Variants in BRINP3 observed in about 807,000 individuals in gnomAD.
The protein encoded by BRINP3 is BMP/retinoic acid-inducible neural-specific protein 3.
In BRINP3, 19 loss-of-function variants were observed where a neutral mutation model predicts 71.0. The ratio of observed to expected loss-of-function variants is 0.27; its 90% CI spans 0.19 to 0.39. BRINP3 has a LOEUF of 0.39. BRINP3 is among the 10% of genes least tolerant of loss of function. BRINP3 has a pLI of 1.00. For missense variants in BRINP3, 959 were observed against 940.8 expected (o/e 1.02, Z -0.25); for synonymous variants, 380 against 337.7 (o/e 1.13, Z -1.37).
intron 6 of BRINP3, among the ~76,000 whole-genome samples, chr1:190,174,316 T>C (rs1652294011): frequency 1.3e-5 from 2 of 152,126 alleles, no homozygotes; most frequent in African/African-American, 4.8e-5. Flanking sequence ...TATTTTCCAC[T>C]ATGTAGTTAT....
intron 4 of BRINP3, among the ~76,000 whole-genome samples, chr1:190,255,404 A>G (rs570314555): frequency 6.6e-6 from 1 of 152,070 alleles, no homozygotes. Flanking sequence ...CTGGGAATCC[A>G]TCTGGTCCTC....
rs748446233 is a variant in BRINP3, at chr1:190,281,624, C to G, written c.363G>C (p.Gln121His). The G allele has an allele frequency of 6.2e-7, 1 of 1,612,848 alleles. No homozygotes were observed. The highest frequency in any genetic ancestry group is 8.5e-7 in the Non-Finnish European group (1 of 1,179,264). ...IRLLGRRPTL[Q>H]QITENLIKKY... Reference sequence around the variant, plus strand: ...TCTTGATAAGGTTTTCTGTGATTTGCTGAAGGGTAGGTCGACGTCCCAAAA... The same window carrying G: ...TCTTGATAAGGTTTTCTGTGATTTGGTGAAGGGTAGGTCGACGTCCCAAAA... The change falls in exon 3 of 8, where the codon CAG becomes CAC. Residue 121 changes from glutamine (Q) to histidine (H), a missense_variant. Coordinates refer to ENST00000367462, the MANE Select transcript of BRINP3 (RefSeq NM_199051.3).
At chr1:190,304,969 T>C (rs528654115) in intron 2 of BRINP3, among the ~76,000 whole-genome samples, 10 of 151,874 alleles carry the variant, frequency 6.6e-5, no homozygotes, top group African/African-American at 2.2e-4. Context: ...AAGAGACATT[T>C]CTCAAAAGAA....
At chr1:190,144,680 A>C (rs1325049499) in intron 7 of BRINP3, among the ~76,000 whole-genome samples, 2 of 152,112 alleles carry the variant, frequency 1.3e-5, no homozygotes, top group African/African-American at 4.8e-5. Context: ...AAGTCAGAAA[A>C]ATCTTACCGA....
intron 2 of BRINP3, among the ~76,000 whole-genome samples, chr1:190,426,226 G>T (rs1300715192): frequency 6.6e-6 from 1 of 151,700 alleles, no homozygotes; most frequent in Non-Finnish European, 1.5e-5. Flanking sequence ...TCACCTTTAT[G>T]TAGACTACAT....
intron 6 of BRINP3, among the ~76,000 whole-genome samples, chr1:190,180,083 T>C (rs1652896060): frequency 6.6e-6 from 1 of 152,154 alleles, no homozygotes; most frequent in African/African-American, 2.4e-5. Flanking sequence ...TTTTTTCTTC[T>C]GCAAATAACC....
chr1:190,228,872 G>C (rs1657664098), intron 5 of BRINP3, among the ~76,000 whole-genome samples: 1 of 151,894 alleles, frequency 6.6e-6, no homozygotes, highest in South Asian at 2.1e-4. Context: ...CCTAGTGCTG[G>C]AACAATGCTT....
At chr1:190,342,327 T>TG (rs565690897) in intron 2 of BRINP3, 2 of 143,140 alleles carry the variant, frequency 1.4e-5, no homozygotes, top group African/African-American at 5.2e-5. Context: ...TGTTGACATT[T>TG]GGGGGGCCAC....
intron 2 of BRINP3, among the ~76,000 whole-genome samples, chr1:190,316,669 T>C (rs540466208): frequency 4.1e-4 from 62 of 152,216 alleles, no homozygotes; most frequent in South Asian, 2.3e-3. Context: ...TGCAGAGACC[T>C]GTGGGACCTC....
chr1:190,413,424 T>C (rs1672817613), intron 2 of BRINP3, among the ~76,000 whole-genome samples: 1 of 152,204 alleles, frequency 6.6e-6, no homozygotes, highest in African/African-American at 2.4e-5. Context: ...AAAAGTGTCT[T>C]TGCAGATATA....
chr1:190,331,562 T>C (rs1188483557), intron 2 of BRINP3, among the ~76,000 whole-genome samples: 3 of 152,026 alleles, frequency 2.0e-5, no homozygotes, highest in African/African-American at 7.2e-5. Flanking sequence ...TAGTACGAGG[T>C]GGCCATGTGA....
chr1:190,475,020 C>T (rs985567903), intron 1 of BRINP3, among the ~76,000 whole-genome samples: 1 of 151,986 alleles, frequency 6.6e-6, no homozygotes, highest in African/African-American at 2.4e-5. Flanking sequence ...TCACTCTTTG[C>T]TTTTAACTTC....
At chr1:190,207,826 T>C (rs945178840) in intron 6 of BRINP3, among the ~76,000 whole-genome samples, 2 of 152,158 alleles carry the variant, frequency 1.3e-5, no homozygotes, top group Non-Finnish European at 2.9e-5. Context: ...TATTACAGCC[T>C]AGATTATGAT....
At chr1:190,439,328 T>A in intron 2 of BRINP3, among the ~76,000 whole-genome samples, 1 of 152,028 alleles carries the variant, frequency 6.6e-6, no homozygotes, top group Admixed American at 6.6e-5. Context: ...ATTAATATAA[T>A]GTTTTTTTAT....
chr1:190,442,117 T>C (rs1316358757), intron 2 of BRINP3, among the ~76,000 whole-genome samples: 2 of 152,186 alleles, frequency 1.3e-5, no homozygotes, highest in African/African-American at 4.8e-5. Context: ...ACTTTTTAAA[T>C]TGATAAACAT....
chr1:190,211,985 T>C (rs968339878), intron 6 of BRINP3, among the ~76,000 whole-genome samples: 1 of 152,094 alleles, frequency 6.6e-6, no homozygotes, highest in Non-Finnish European at 1.5e-5. Flanking sequence ...ATACCCTCCC[T>C]GGTACTGGAG....
intron 6 of BRINP3, among the ~76,000 whole-genome samples, chr1:190,183,550 G>A (rs1053362255): frequency 1.6e-4 from 24 of 152,096 alleles, no homozygotes; most frequent in African/African-American, 5.6e-4. Context: ...AGCTGGGAAG[G>A]ATGGGTGTTA....
intron 2 of BRINP3, among the ~76,000 whole-genome samples, chr1:190,402,532 A>G (rs1671997619): frequency 6.6e-6 from 1 of 152,142 alleles, no homozygotes; most frequent in South Asian, 2.1e-4. Flanking sequence ...CTTTGCCATT[A>G]AAACCACCGT....
chr1:190,268,826 T>C (rs1316035152), intron 3 of BRINP3, among the ~76,000 whole-genome samples: 1 of 152,122 alleles, frequency 6.6e-6, no homozygotes, highest in African/African-American at 2.4e-5. Context: ...ATGTGAAACA[T>C]ACATGAAAAG....
Sources: allele counts gnomAD v4.1 joint callset (sites outside exome capture counted in the v4.1 genomes callset), GRCh38; gene constraint gnomAD v4.1.1; transcripts MANE v1.5; gene names NCBI Gene and HGNC (gene_info 2026-07-23, HGNC 2026-07-21).